The following EPS15L1 variants were observed in gnomAD, a reference collection of about 807,000 sequenced individuals.
The protein encoded by EPS15L1 is epidermal growth factor receptor substrate 15-like 1.
Under a neutral mutation model 117.1 loss-of-function variants are expected in EPS15L1, and 43 were observed. That is an observed-to-expected ratio of 0.37 (90% CI 0.29 to 0.47). The LOEUF (loss-of-function observed/expected upper bound fraction) is 0.47. Ranked by LOEUF, EPS15L1 falls within the 20% of genes least tolerant of loss-of-function variation. The probability of loss-of-function intolerance (pLI) is 0.99; values close to 1 mark genes in which losing one functional copy is unlikely to be tolerated. For synonymous variants in EPS15L1, 459 were observed against 470.5 expected (o/e 0.98, Z 0.32); for missense variants, 981 against 1,164.0 (o/e 0.84, Z 2.29).
In EPS15L1 at chr19:16,377,173, G is replaced by A. The variant is rs371897669; in HGVS notation, c.2329C>T (p.Pro777Ser). ...GCAGGTTTCTTCGGAGGCAGAGCAG[G>A]AGTGTCCTGTTTACTTTTAAAGGGG... ...DDPFKSKQDT[P>S]ALPPKKPAPP... Residue 777 changes from proline (P) to serine (S), a missense_variant, in exon 22 of 24, where the codon CCT becomes TCT. Physicochemically the swap from Pro to Ser is moderately conservative, Grantham distance 74. Around this residue, in one of 5 missense-constraint regions of EPS15L1, gnomAD observed 819 missense variants for 949.0 expected, o/e 0.86. Coordinates refer to ENST00000455140, the MANE Select transcript of EPS15L1 (RefSeq NM_001258374.3). 3.1e-6 allele frequency: 5 copies of A among 1,612,864 alleles called. No homozygotes were observed. Among genetic ancestry groups the A allele is most frequent in the Admixed American group, 3.3e-5 (2 of 59,814 alleles).
intron 1 of EPS15L1, among the ~76,000 whole-genome samples, chr19:16,455,406 A>G (rs906522731): frequency 6.6e-6 from 1 of 152,178 alleles, no homozygotes; most frequent in African/African-American, 2.4e-5. Context: ...GATTACAGGC[A>G]TGAGCACCAA....
chr19:16,462,025 G>A (rs1295295267), intron 1 of EPS15L1, among the ~76,000 whole-genome samples: 3 of 152,224 alleles, frequency 2.0e-5, no homozygotes, highest in African/African-American at 7.2e-5. Flanking sequence ...AGGAAAGACA[G>A]AGCTCCTCGA....
chr19:16,403,538 G>A (rs1052153236), intron 15 of EPS15L1, among the ~76,000 whole-genome samples, 195 bp downstream of exon 15: 2 of 152,142 alleles, frequency 1.3e-5, no homozygotes, highest in African/African-American at 4.8e-5. Context: ...ACTCCTCCAG[G>A]CCAATGCCAA....
chr19:16,422,253 G>A (rs938330226), intron 9 of EPS15L1, among the ~76,000 whole-genome samples: 21 of 152,150 alleles, frequency 1.4e-4, no homozygotes, highest in African/African-American at 9.7e-5. Flanking sequence ...ACCAGGGCCC[G>A]GTCACCTCCT....
intron 10 of EPS15L1, among the ~76,000 whole-genome samples, chr19:16,418,687 T>C (rs2092784305): frequency 6.6e-6 from 1 of 152,162 alleles, no homozygotes; most frequent in African/African-American, 2.4e-5. Context: ...TGGGATGGTG[T>C]TGGGAGGTGG....
intron 14 of EPS15L1, 67 bp from the exon 15 acceptor site, chr19:16,403,997 G>T (rs188120194): frequency 7.1e-5 from 102 of 1,427,462 alleles, no homozygotes; most frequent in Non-Finnish European, 9.1e-5. Flanking sequence ...CTCCGAGAAA[G>T]AACTCTTAGC....
At chr19:16,451,864 A>G (rs2093147155) in intron 1 of EPS15L1, among the ~76,000 whole-genome samples, 2 of 146,220 alleles carry the variant, frequency 1.4e-5, no homozygotes, top group South Asian at 4.9e-4. Context: ...CAGGCCAGGC[A>G]CGGTGGCTCA....
intron 16 of EPS15L1, among the ~76,000 whole-genome samples, chr19:16,399,031 G>A (rs1176819322): frequency 3.9e-5 from 6 of 151,960 alleles, no homozygotes; most frequent in Admixed American, 2.6e-4. Context: ...TCACTTGGAA[G>A]ACTGCCAAGT....
In EPS15L1 at chr19:16,417,953, C is replaced by T. The variant is rs367877283; in HGVS notation, c.1102G>A (p.Gly368Ser). ...GCATGACCAGCACCACTCACCGGGC[C>T]GGGCGTGCCTCTCTCCGAAGGCGGG... ...MVPPSERGTPGPDSSGSLGSG... is the reference protein window; with the variant it reads ...MVPPSERGTPSPDSSGSLGSG... Residue 368 changes from glycine (G) to serine (S), a missense_variant, in exon 11 of 24, where the codon GGC becomes AGC. Coordinates refer to ENST00000455140, the MANE Select transcript of EPS15L1 (RefSeq NM_001258374.3). 43 of 1,612,554 alleles carry T rather than the reference C, an allele frequency of 2.7e-5. No individual in the cohort carries two copies. The highest frequency in any genetic ancestry group is 2.4e-4 in the African/African-American group (18 of 74,910).
At position 16,409,092 on chromosome 19, in the gene EPS15L1, T is replaced by G. The variant is rs574417473; in HGVS notation, c.1267-4343A>C. Among the ~76,000 whole-genome samples the G allele has an allele frequency of 2.2e-3, 332 of 152,220 alleles. 7 individuals are homozygous for G. The highest frequency in any genetic ancestry group is 4.6e-4 in the Non-Finnish European group (31 of 68,010). On this transcript the variant is annotated intron_variant, in intron 13 of 23. Transcript: ENST00000455140. ...AAATTGTTTTTGAATTAGCTAGGTGTGGCAGTGCACACCCTGTAGTCCTAG... is the reference window on the plus strand; with the variant it reads ...AAATTGTTTTTGAATTAGCTAGGTGGGGCAGTGCACACCCTGTAGTCCTAG...
intron 1 of EPS15L1, among the ~76,000 whole-genome samples, chr19:16,467,099 A>G (rs1362096933): frequency 2.0e-5 from 3 of 151,920 alleles, no homozygotes; most frequent in Non-Finnish European, 4.4e-5. Flanking sequence ...CTAAGGACCT[A>G]AACATTGAAA....
intron 1 of EPS15L1, among the ~76,000 whole-genome samples, chr19:16,455,683 G>C (rs1294458302): frequency 6.6e-6 from 1 of 152,180 alleles, no homozygotes; most frequent in Non-Finnish European, 1.5e-5. Context: ...GTGCAACCCT[G>C]GGGCAGGACG....
In EPS15L1 at chr19:16,389,112, G is replaced by A. The variant is rs12609018; in HGVS notation, c.2104-2881C>T. On this transcript the variant is annotated intron_variant, in intron 19 of 23. Coordinates refer to ENST00000455140, the MANE Select transcript of EPS15L1 (RefSeq NM_001258374.3). ...GCATTAAAAATACAAAAATTAACCA[G>A]AAATCGCTTGAACTTGGGAGGCGGA... Among the ~76,000 whole-genome samples, 746 of 150,726 alleles carry A rather than the reference G, an allele frequency of 4.9e-3. 4 individuals are homozygous for A. Among genetic ancestry groups the A allele is most frequent in the Non-Finnish European group, 8.2e-3 (557 of 67,634 alleles).
chr19:16,432,509 A>G (rs2092938849), intron 7 of EPS15L1, among the ~76,000 whole-genome samples: 1 of 152,168 alleles, frequency 6.6e-6, no homozygotes, highest in African/African-American at 2.4e-5. Flanking sequence ...CGGAGCTTGC[A>G]GTGAGCAGAG....
chr19:16,406,721 G>A (rs952115128), intron 13 of EPS15L1, among the ~76,000 whole-genome samples: 1 of 152,214 alleles, frequency 6.6e-6, no homozygotes. Flanking sequence ...TCAAACCAAA[G>A]ATGCCAAAAT....
At chr19:16,391,347 G>C (rs1173571334) in intron 19 of EPS15L1, among the ~76,000 whole-genome samples, 1 of 152,138 alleles carries the variant, frequency 6.6e-6, no homozygotes, top group Admixed American at 6.5e-5. Context: ...GAATGCTAGG[G>C]AAATTCTCAC....
At chr19:16,453,591 C>A (rs2093166888) in intron 1 of EPS15L1, among the ~76,000 whole-genome samples, 1 of 151,988 alleles carries the variant, frequency 6.6e-6, no homozygotes, top group East Asian at 1.9e-4. Flanking sequence ...CAGGCGCCTG[C>A]AGTCCCAGCT....
intron 1 of EPS15L1, among the ~76,000 whole-genome samples, chr19:16,462,491 T>C (rs547482156): frequency 6.6e-6 from 1 of 152,170 alleles, no homozygotes; most frequent in South Asian, 2.1e-4. Flanking sequence ...TGAAACCCTG[T>C]CTCTACTAAA....
Position 16,462,022 on chromosome 19 carries a change from A to C in EPS15L1, c.33+9891T>G, listed in dbSNP as rs545605180. Among the ~76,000 whole-genome samples the C allele has an allele frequency of 3.9e-5, 6 of 152,288 alleles. No individual in the cohort carries two copies. In the South Asian group the frequency reaches 1.2e-3, roughly 32 times the overall value. ...GGGAACCCAGCAGGGAGCAGGAAAGACAGAGCTCCTCGACCCTCCCGGAGC... is the reference window on the plus strand; with the variant it reads ...GGGAACCCAGCAGGGAGCAGGAAAGCCAGAGCTCCTCGACCCTCCCGGAGC... On this transcript the variant is annotated intron_variant, in intron 1 of 23. Transcript: ENST00000455140.
Sources: allele counts gnomAD v4.1 joint callset (sites outside exome capture counted in the v4.1 genomes callset), GRCh38; gene constraint gnomAD v4.1.1; regional missense constraint gnomAD v4.1.1; transcripts MANE v1.5; gene names NCBI Gene and HGNC (gene_info 2026-07-23, HGNC 2026-07-21).